The following SEMA3A variants were observed in gnomAD, a reference collection of about 807,000 sequenced individuals.
SEMA3A encodes the protein semaphorin 3A.
Under a neutral mutation model 97.9 loss-of-function variants are expected in SEMA3A, and 29 were observed. That is an observed-to-expected ratio of 0.30 (90% CI 0.22 to 0.40). The LOEUF is 0.40. Ranked by LOEUF, SEMA3A falls within the 10% of genes least tolerant of loss-of-function variation. SEMA3A has a pLI of 1.00. For missense variants in SEMA3A, 763 were observed against 951.3 expected (o/e 0.80, Z 2.60); for synonymous variants, 321 against 323.7 (o/e 0.99, Z 0.09).
intron 5 of SEMA3A, among the ~76,000 whole-genome samples, chr7:84,049,375 T>A (rs1410684929): frequency 1.3e-5 from 2 of 151,964 alleles, no homozygotes; most frequent in African/African-American, 4.8e-5. Context: ...CTATGGGGAG[T>A]CTTATCAATG....
At chr7:84,261,366 T>C (rs1246619474) in intron 3 of SEMA3A, among the ~76,000 whole-genome samples, 2 of 151,956 alleles carry the variant, frequency 1.3e-5, no homozygotes, top group Admixed American at 6.5e-5. Context: ...ATAATACAAA[T>C]AGGCTGAAAA....
chr7:84,332,557 G>A (rs1801932736), intron 2 of SEMA3A, among the ~76,000 whole-genome samples: 1 of 152,062 alleles, frequency 6.6e-6, no homozygotes, highest in African/African-American at 2.4e-5. Context: ...ATCTGAAGAA[G>A]CTAATCCTTG....
At chr7:84,151,580 TG>T (rs1394125171) in intron 1 of SEMA3A, among the ~76,000 whole-genome samples, 3 of 151,978 alleles carry the variant, frequency 2.0e-5, no homozygotes, top group Non-Finnish European at 2.9e-5. Flanking sequence ...CCAAGAAATA[TG>T]GGACTATGTG....
chr7:84,157,005 A>C (rs1166514028), intron 1 of SEMA3A, among the ~76,000 whole-genome samples: 1 of 152,136 alleles, frequency 6.6e-6, no homozygotes, highest in Non-Finnish European at 1.5e-5. Flanking sequence ...TTTTGTCTTT[A>C]AATTCCTGAA....
chr7:83,996,264 A>G (rs992642152), intron 12 of SEMA3A, among the ~76,000 whole-genome samples: 4 of 151,312 alleles, frequency 2.6e-5, no homozygotes, highest in Non-Finnish European at 5.9e-5. Context: ...TTTCATTTGT[A>G]TAACTAGTTA....
At chr7:84,407,960 T>A (rs1254658939) in intron 1 of SEMA3A, among the ~76,000 whole-genome samples, 3 of 152,104 alleles carry the variant, frequency 2.0e-5, no homozygotes, top group Non-Finnish European at 4.4e-5. Flanking sequence ...AACCTAGGCA[T>A]TACCATTCAG....
chr7:84,352,939 A>G (rs1802470222), intron 2 of SEMA3A, among the ~76,000 whole-genome samples: 1 of 151,838 alleles, frequency 6.6e-6, no homozygotes, highest in Admixed American at 6.6e-5. Context: ...ATAAGTATCA[A>G]ATTAATCTAT....
intron 3 of SEMA3A, among the ~76,000 whole-genome samples, chr7:84,217,345 T>C (rs546313285): frequency 1.3e-5 from 2 of 152,308 alleles, no homozygotes; most frequent in East Asian, 1.9e-4. Flanking sequence ...CTCAAAGATA[T>C]GTTGATGATG....
At chr7:84,238,403 A>G (rs1170688164) in intron 3 of SEMA3A, among the ~76,000 whole-genome samples, 1 of 152,118 alleles carries the variant, frequency 6.6e-6, no homozygotes, top group Non-Finnish European at 1.5e-5. Flanking sequence ...AGTACAGGAC[A>G]GTGAATAATC....
intron 3 of SEMA3A, among the ~76,000 whole-genome samples, chr7:84,292,139 G>A (rs1177158607): frequency 6.6e-6 from 1 of 151,926 alleles, no homozygotes; most frequent in Non-Finnish European, 1.5e-5. Context: ...AACAAGCAAG[G>A]GAGAATAGAT....
chr7:84,185,692 G>GAA (rs71078810), intron 1 of SEMA3A, among the ~76,000 whole-genome samples: 24 of 78,094 alleles, frequency 3.1e-4, no homozygotes, highest in African/African-American at 1.2e-3. Flanking sequence ...ACTCTGGCAG[G>GAA]AAAAAAAAAA....
At chr7:84,384,492 T>C (rs370979181) in intron 1 of SEMA3A, among the ~76,000 whole-genome samples, 8 of 152,340 alleles carry the variant, frequency 5.3e-5, no homozygotes, top group South Asian at 2.1e-4. Context: ...GGAAAGGTTT[T>C]TTTATATAGT....
At position 84,477,217 on chromosome 7, in the gene SEMA3A, T is replaced by A. The variant is rs368773673; in HGVS notation, c.-246+15243A>T. Among the ~76,000 whole-genome samples, 6 of 150,594 alleles carry A rather than the reference T, an allele frequency of 4.0e-5. No homozygotes were observed. The East Asian group carries it at 1.2e-3, about 29-fold the overall frequency. ...ACTTTGGGGTGCCGAGGTGGGCGGA[T>A]CACAAGGTCAGGAGTTCAAGACCAG... On this transcript the variant is annotated intron_variant, in intron 1 of 3. Transcript: ENST00000424555.
Position 84,325,834 on chromosome 7 carries a change from G to A in SEMA3A, c.-168-18542C>T, listed in dbSNP as rs529042709. ...CAAATTAACACATCCATCACCACTC[G>A]TGCTGTAATTTAAATCACCAGAACT... is the stretch of plus-strand genomic sequence containing the variant. On this transcript the variant is annotated intron_variant, in intron 2 of 3. Transcript: ENST00000424555. Among the ~76,000 whole-genome samples the A allele has an allele frequency of 9.2e-5, 14 of 152,026 alleles. No homozygotes were observed. In the South Asian group the frequency reaches 1.2e-3, roughly 14 times the overall value.
At chr7:84,456,333 TGAAAGCCCAAA>T (rs1805683658) in intron 1 of SEMA3A, among the ~76,000 whole-genome samples, 1 of 151,876 alleles carries the variant, frequency 6.6e-6, no homozygotes, top group African/African-American at 2.4e-5. Context: ...TATTCTGTGT[TGAAAGCCCAAA>T]GAATAATCTA....
intron 7 of SEMA3A, among the ~76,000 whole-genome samples, chr7:84,011,674 GT>G: frequency 6.6e-6 from 1 of 152,112 alleles, no homozygotes; most frequent in East Asian, 1.9e-4. Context: ...GGAAAAAACA[GT>G]TTTTTCTTTG....
At chr7:84,490,840 G>C (rs1307433464) in intron 1 of SEMA3A, among the ~76,000 whole-genome samples, 1 of 152,056 alleles carries the variant, frequency 6.6e-6, no homozygotes, top group Non-Finnish European at 1.5e-5. Context: ...ACACGGTTAC[G>C]GCATTCATAT....
intron 2 of SEMA3A, among the ~76,000 whole-genome samples, chr7:84,344,165 G>A (rs1802239548): frequency 6.6e-6 from 1 of 151,432 alleles, no homozygotes; most frequent in African/African-American, 2.4e-5. Flanking sequence ...AAATGGAAAT[G>A]TTTGTCCGTA....
intron 3 of SEMA3A, among the ~76,000 whole-genome samples, chr7:84,234,237 AT>A (rs200544195): frequency 0.035 from 5,391 of 151,964 alleles, 112 homozygotes; most frequent in South Asian, 0.046. Flanking sequence ...CTACAACCTA[AT>A]CTTTTCCTAG....
Sources: gnomAD v4.1 joint callset for allele counts (sites outside exome capture counted in the v4.1 genomes callset) on GRCh38, gnomAD v4.1.1 for gene constraint, MANE v1.5 for transcripts, NCBI Gene and HGNC (gene_info 2026-07-23, HGNC 2026-07-21) for gene names.